SGCZ: variants seen among roughly 807,000 people sequenced by gnomAD.
SGCZ encodes zeta-sarcoglycan.
Under a neutral mutation model 41.3 loss-of-function variants are expected in SGCZ, and 40 were observed. The observed-to-expected ratio is 0.97, with a 90% CI of 0.75 to 1.26. The LOEUF is 1.26. Among genes scored for constraint, SGCZ ranks in the 50% most tolerant of loss-of-function variants. The probability of loss-of-function intolerance (pLI) is 0.00; values close to 1 mark genes in which losing one functional copy is unlikely to be tolerated. For synonymous variants in SGCZ, 206 were observed against 137.5 expected, an observed-to-expected ratio of 1.50 and a Z score of -3.49; for missense variants, 552 against 369.8, an observed-to-expected ratio of 1.49 and a Z score of -4.04.
At chr8:14,654,922 C>T (rs1585157657) in intron 1 of SGCZ, among the ~76,000 whole-genome samples, 1 of 151,996 alleles carries the variant, frequency 6.6e-6, no homozygotes, top group South Asian at 2.1e-4. Flanking sequence ...TTCTCAGCCT[C>T]CCAAAGTGCT....
At chr8:14,984,262 C>T (rs1042198929) in intron 1 of SGCZ, among the ~76,000 whole-genome samples, 13 of 152,268 alleles carry the variant, frequency 8.5e-5, no homozygotes, top group South Asian at 2.1e-4. Context: ...GCAACCATTT[C>T]AGTATGAAAT....
chr8:14,847,685 G>T (rs1455686070), intron 1 of SGCZ, among the ~76,000 whole-genome samples: 11 of 136,996 alleles, frequency 8.0e-5, no homozygotes, highest in South Asian at 2.5e-4. Flanking sequence ...GATGGAGGGA[G>T]GGAGGAGGGG....
intron 1 of SGCZ, among the ~76,000 whole-genome samples, chr8:14,727,574 G>C (rs1172968824): frequency 6.6e-6 from 1 of 151,094 alleles, no homozygotes; most frequent in African/African-American, 2.4e-5. Context: ...GCAGTGGCCA[G>C]ATCTGAGCTC....
intron 2 of SGCZ, among the ~76,000 whole-genome samples, chr8:14,551,165 A>C (rs1181547177): frequency 6.8e-6 from 1 of 147,508 alleles, no homozygotes; most frequent in Admixed American, 6.9e-5. Flanking sequence ...GCTAGAGGCC[A>C]CCAAACCTTA....
At chr8:14,095,347 GC>G (rs1421788795) in intron 7 of SGCZ, among the ~76,000 whole-genome samples, 1 of 152,150 alleles carries the variant, frequency 6.6e-6, no homozygotes, top group African/African-American at 2.4e-5. Context: ...CATATGGCTA[GC>G]CAGTTTTCCC....
chr8:14,462,283 A>C (rs889251939), intron 2 of SGCZ, among the ~76,000 whole-genome samples: 1 of 152,038 alleles, frequency 6.6e-6, no homozygotes, highest in Admixed American at 6.6e-5. Flanking sequence ...GCAAGAAAAA[A>C]AAATGGAACA....
chr8:14,297,565 CAA>C (rs1184664675), intron 3 of SGCZ, among the ~76,000 whole-genome samples: 1 of 151,216 alleles, frequency 6.6e-6, no homozygotes, highest in African/African-American at 2.4e-5. Flanking sequence ...AGAATAAAAG[CAA>C]AGACAATAAT....
intron 1 of SGCZ, among the ~76,000 whole-genome samples, chr8:14,860,475 G>T (rs1040835526): frequency 4.1e-5 from 6 of 147,944 alleles, no homozygotes; most frequent in Non-Finnish European, 7.4e-5. Flanking sequence ...GAGAGTGAGA[G>T]AAGGAAGAGG....
At chr8:14,132,374 A>G (rs1259838068) in intron 5 of SGCZ, among the ~76,000 whole-genome samples, 2 of 152,180 alleles carry the variant, frequency 1.3e-5, no homozygotes, top group East Asian at 1.9e-4. Flanking sequence ...ACAAATTTCA[A>G]AGGCACAGAA....
intron 3 of SGCZ, among the ~76,000 whole-genome samples, chr8:14,280,834 G>C (rs982769005): frequency 6.6e-6 from 1 of 150,838 alleles, no homozygotes; most frequent in Non-Finnish European, 1.5e-5. Context: ...TATATGAAAG[G>C]TGGTTTCACT....
At chr8:14,994,026 T>C (rs1802119615) in intron 1 of SGCZ, among the ~76,000 whole-genome samples, 1 of 152,218 alleles carries the variant, frequency 6.6e-6, no homozygotes, top group Non-Finnish European at 1.5e-5. Flanking sequence ...CATTGGGGGC[T>C]GGATGCGAGT....
chr8:15,150,612 T>C (rs953680872), intron 1 of SGCZ, among the ~76,000 whole-genome samples: 1 of 152,190 alleles, frequency 6.6e-6, no homozygotes, highest in Non-Finnish European at 1.5e-5. Context: ...AACAAGTATG[T>C]TGGGATTCTG....
At chr8:14,176,956 C>G (rs1211549157) in intron 4 of SGCZ, among the ~76,000 whole-genome samples, 1 of 152,182 alleles carries the variant, frequency 6.6e-6, no homozygotes, top group Non-Finnish European at 1.5e-5. Flanking sequence ...CTGGACTTGT[C>G]CAAGTCATTC....
At chr8:14,864,948 T>G (rs1182667773) in intron 1 of SGCZ, among the ~76,000 whole-genome samples, 1 of 152,036 alleles carries the variant, frequency 6.6e-6, no homozygotes, top group Non-Finnish European at 1.5e-5. Flanking sequence ...TTTCTATGTC[T>G]TTTTTGAGAA....
At chr8:15,019,852 C>T (rs1053609762) in intron 1 of SGCZ, among the ~76,000 whole-genome samples, 5 of 148,048 alleles carry the variant, frequency 3.4e-5, no homozygotes, top group Non-Finnish European at 5.9e-5. Flanking sequence ...AGTTCTGCTT[C>T]GGACATACTA....
intron 1 of SGCZ, among the ~76,000 whole-genome samples, chr8:14,843,087 C>A (rs1585311145): frequency 1.3e-5 from 2 of 152,132 alleles, no homozygotes; most frequent in Non-Finnish European, 2.9e-5. Flanking sequence ...TGGCATGCAC[C>A]TGTAATCCCA....
At chr8:14,608,118 C>A (rs537901321) in intron 1 of SGCZ, among the ~76,000 whole-genome samples, 1 of 152,158 alleles carries the variant, frequency 6.6e-6, no homozygotes, top group South Asian at 2.1e-4. Flanking sequence ...ACAACCAGAA[C>A]AAAAAGATAA....
chr8:14,471,942 A>G (rs1020721775), intron 2 of SGCZ, among the ~76,000 whole-genome samples: 3 of 152,062 alleles, frequency 2.0e-5, no homozygotes, highest in Non-Finnish European at 4.4e-5. Context: ...ACTGAGACAT[A>G]CCCACAGTTA....
intron 4 of SGCZ, among the ~76,000 whole-genome samples, chr8:14,232,041 C>T (rs13272080): frequency 0.28 from 43,177 of 151,786 alleles, 7,041 homozygotes; most frequent in Non-Finnish European, 0.38. Context: ...TATTAATAGA[C>T]ATTGACTCAA....
Sources: allele counts gnomAD v4.1 joint callset (sites outside exome capture counted in the v4.1 genomes callset), GRCh38; gene constraint gnomAD v4.1.1; transcripts MANE v1.5; gene names NCBI Gene and HGNC (gene_info 2026-07-23, HGNC 2026-07-21).